GOLGA5: variants seen among roughly 807,000 people sequenced by gnomAD.
GOLGA5 encodes the protein golgin A5.
In GOLGA5, 50 loss-of-function variants were observed where a neutral mutation model predicts 93.5. The observed-to-expected ratio is 0.53, with a 90% CI of 0.43 to 0.68. The LOEUF (loss-of-function observed/expected upper bound fraction) is 0.68, where lower values mean the gene tolerates loss of function less well. Among genes scored for constraint, GOLGA5 ranks in the 30% least tolerant of loss-of-function variants. The probability of loss-of-function intolerance (pLI) is 0.00; values close to 1 mark genes in which losing one functional copy is unlikely to be tolerated. For synonymous variants in GOLGA5, 312 were observed against 304.5 expected (o/e 1.02, Z -0.26); for missense variants, 760 against 856.4 (o/e 0.89, Z 1.40).
At chr14:92,800,687 G>A (rs1884851734) in intron 2 of GOLGA5, among the ~76,000 whole-genome samples, 2 of 152,114 alleles carry the variant, frequency 1.3e-5, no homozygotes, top group Non-Finnish European at 2.9e-5. Flanking sequence ...ATGGAGCCAG[G>A]GCATCTGATT....
Position 92,839,787 on chromosome 14 carries a change from T to G in GOLGA5, c.*341T>G, listed in dbSNP as rs1396384735. 1 of 265,162 alleles carries G rather than the reference T, an allele frequency of 3.8e-6. No homozygotes were observed. Among genetic ancestry groups the G allele is most frequent in the Non-Finnish European group, 6.9e-6 (1 of 144,004 alleles). The allele number at this position is 265,162 out of a possible 1,614,324, so 16.4% of individuals were successfully genotyped here. A position where few individuals can be genotyped will look rare whatever the true frequency, so the allele number is the denominator to read the frequency against. On this transcript the variant is annotated 3_prime_UTR_variant, in exon 13 of 13. Transcript: ENST00000163416. ...GATTATGGGTTATAATCAGGGAAAC[T>G]AATTGTATTTAGTGACAAAAATAAA...
intron 9 of GOLGA5, among the ~76,000 whole-genome samples, chr14:92,828,321 C>G (rs1275458771): frequency 1.3e-5 from 2 of 152,152 alleles, no homozygotes; most frequent in Non-Finnish European, 2.9e-5. Context: ...TCCTAAGACC[C>G]TTAAGAATGA....
intron 9 of GOLGA5, 85 bp from the exon 10 acceptor site, chr14:92,833,037 T>A: frequency 1.3e-6 from 1 of 784,518 alleles, no homozygotes; most frequent in South Asian, 1.5e-5. Context: ...ATGCCACAAT[T>A]TACCTATGAA....
chr14:92,796,984 A>G (rs1348739368), intron 1 of GOLGA5, among the ~76,000 whole-genome samples: 1 of 131,542 alleles, frequency 7.6e-6, no homozygotes, highest in Non-Finnish European at 1.7e-5. Context: ...CTCAAAAAAA[A>G]AAAAAAAAAA....
rs549475213 is a variant in GOLGA5, at chr14:92,801,074, G to T, written c.544+3093G>T. On this transcript the variant is annotated intron_variant, in intron 2 of 12. Transcript: ENST00000163416. Reference sequence around the variant, plus strand: ...TTAGGTGGTAGTAGCACCCCCAATTGTGACAACCAACAATGTCTCCACAAA... The same window carrying T: ...TTAGGTGGTAGTAGCACCCCCAATTTTGACAACCAACAATGTCTCCACAAA... 1.1e-4 allele frequency among the ~76,000 whole-genome samples: 17 copies of T among 152,296 alleles called. No individual in the cohort carries two copies. In the South Asian group the frequency reaches 3.5e-3, roughly 32 times the overall value.
rs1001487550 is a variant in GOLGA5 at position 92,817,475 on chromosome 14, G to C, written c.1491+1054G>C. On this transcript the variant is annotated intron_variant, in intron 7 of 12. Coordinates refer to ENST00000163416, the MANE Select transcript of GOLGA5 (RefSeq NM_005113.4). Reference sequence around the variant, plus strand: ...GCTCAGGGATGATCTTCTAATTACAGTTTTATCCTTATTCTTATAATTTAT... The same window carrying C: ...GCTCAGGGATGATCTTCTAATTACACTTTTATCCTTATTCTTATAATTTAT... 6.6e-5 allele frequency among the ~76,000 whole-genome samples: 10 copies of C among 152,074 alleles called. 1 individual carries two copies. The highest frequency in any genetic ancestry group is 5.9e-4 in the Admixed American group (9 of 15,270).
At chr14:92,822,103 G>A (rs543330945) in intron 8 of GOLGA5, among the ~76,000 whole-genome samples, 2 of 152,278 alleles carry the variant, frequency 1.3e-5, no homozygotes, top group East Asian at 3.9e-4. Flanking sequence ...ATTAATTTAA[G>A]TAACACCAAC....
intron 9 of GOLGA5, among the ~76,000 whole-genome samples, 177 bp from the exon 10 acceptor site, chr14:92,832,945 A>C (rs1045315945): frequency 2.0e-4 from 30 of 152,184 alleles, no homozygotes; most frequent in African/African-American, 6.8e-4. Context: ...ATTTTGACCC[A>C]CCAAATTGAT....
intron 9 of GOLGA5, among the ~76,000 whole-genome samples, chr14:92,825,926 A>AGGGAGATCACTTGAGGTC (rs1056684671): frequency 5.3e-5 from 8 of 151,668 alleles, no homozygotes; most frequent in African/African-American, 1.9e-4. Flanking sequence ...AGGCTGAGGC[A>AGGGAGATCACTTGAGGTC]GGGAGATCAC....
intron 9 of GOLGA5, among the ~76,000 whole-genome samples, chr14:92,829,706 T>G (rs9323882): frequency 0.74 from 112,197 of 152,096 alleles, 41,830 homozygotes; most frequent in East Asian, 0.85. Flanking sequence ...ACAAAGAATT[T>G]AGAATACTAC....
chr14:92,804,729 C>T (rs1884947103), intron 2 of GOLGA5, among the ~76,000 whole-genome samples: 1 of 148,386 alleles, frequency 6.7e-6, no homozygotes, highest in South Asian at 2.1e-4. Flanking sequence ...AGTCTCAGCT[C>T]ATTGCAACCT....
At chr14:92,808,798 T>C (rs1489236853) in intron 3 of GOLGA5, among the ~76,000 whole-genome samples, 1 of 152,090 alleles carries the variant, frequency 6.6e-6, no homozygotes, top group Non-Finnish European at 1.5e-5. Flanking sequence ...TGTGAGGGTA[T>C]GGAAATGCCA....
rs1427482774 is a variant in GOLGA5 at position 92,835,654 on chromosome 14, G to A, written c.2041G>A (p.Asp681Asn). The change falls in exon 11 of 13, where the codon GAT becomes AAT. Residue 681 changes from aspartate to asparagine, a missense_variant. Asp to Asn is a conservative substitution (Grantham distance 23, BLOSUM62 1). Coordinates refer to ENST00000163416, the MANE Select transcript of GOLGA5 (RefSeq NM_005113.4). The part of the protein sequence containing the change: ...GKVRKAASSI[D>N]QFSIRLGIFL... ...AGTTCGCAAAGCTGCTAGTTCAATT[G>A]ATCAGTTTAGGTAAGCAATGCCAGT... 1.1e-5 allele frequency: 18 copies of A among 1,603,996 alleles called. No homozygotes were observed. In the Middle Eastern group the frequency reaches 9.9e-4, roughly 88 times the overall value.
chr14:92,816,555 TCCTCCTC>T (rs1226247527), intron 7 of GOLGA5, 134 bp downstream of exon 7: 5 of 667,526 alleles, frequency 7.5e-6, no homozygotes, highest in Admixed American at 2.9e-5. Context: ...TCTCTTCTCT[TCCTCCTC>T]CTCTTCCTCT....
At chr14:92,820,839 C>T (rs1393515167) in intron 8 of GOLGA5, among the ~76,000 whole-genome samples, 3 of 152,200 alleles carry the variant, frequency 2.0e-5, no homozygotes, top group African/African-American at 4.8e-5. Flanking sequence ...TTTGTGAGCT[C>T]AAGGTTGGGG....
At chr14:92,823,878 G>A (rs1166152517) in intron 8 of GOLGA5, among the ~76,000 whole-genome samples, 1 of 152,036 alleles carries the variant, frequency 6.6e-6, no homozygotes, top group Non-Finnish European at 1.5e-5. Flanking sequence ...AATATGATAT[G>A]ACTTTTTATA....
At chr14:92,821,289 G>GA (rs1221023718) in intron 8 of GOLGA5, among the ~76,000 whole-genome samples, 3 of 151,830 alleles carry the variant, frequency 2.0e-5, no homozygotes, top group East Asian at 3.9e-4. Flanking sequence ...TTCTGCTTGA[G>GA]AAAAAAGTCT....
At position 92,817,574 on chromosome 14, in the gene GOLGA5, A is replaced by G. The variant is rs140615323; in HGVS notation, c.1491+1153A>G. 3.6e-3 allele frequency among the ~76,000 whole-genome samples: 542 copies of G among 152,322 alleles called. 2 individuals carry two copies. The highest frequency in any genetic ancestry group is 6.3e-3 in the Non-Finnish European group (428 of 68,016). On this transcript the variant is annotated intron_variant, in intron 7 of 12. Transcript: ENST00000163416. ...TTGCTTAAACTTCGGGGTCTTTGAC[A>G]TAAATATCGTAGGAAGGAGTCTCTG...
At chr14:92,813,507 C>T (rs138242962) in intron 6 of GOLGA5, among the ~76,000 whole-genome samples, 1 of 152,156 alleles carries the variant, frequency 6.6e-6, no homozygotes, top group African/African-American at 2.4e-5. Flanking sequence ...TCCGAGAGAA[C>T]AACCTGTGCC....
Sources: allele counts gnomAD v4.1 joint callset (sites outside exome capture counted in the v4.1 genomes callset), GRCh38; gene constraint gnomAD v4.1.1; transcripts MANE v1.5; gene names NCBI Gene and HGNC (gene_info 2026-07-23, HGNC 2026-07-21).